Variants in CTNNAL1 observed in about 807,000 individuals in gnomAD.
CTNNAL1 encodes the protein alpha-catulin.
A neutral mutation model predicts 93.6 loss-of-function variants in CTNNAL1; 69 were observed. The observed-to-expected ratio is 0.74, with a 90% CI of 0.61 to 0.90. The LOEUF is 0.90. CTNNAL1 is among the 40% of genes least tolerant of loss of function. The pLI is 0.00. For synonymous variants in CTNNAL1, 286 were observed against 305.4 expected (o/e 0.94, Z 0.66); for missense variants, 836 against 862.0 (o/e 0.97, Z 0.38).
intron 3 of CTNNAL1, chr9:108,991,851 C>T: frequency 1.9e-6 from 1 of 523,478 alleles, no homozygotes; most frequent in Non-Finnish European, 3.4e-6. Context: ...TTATCCAAAG[C>T]AAGAAGTGAT....
intron 1 of CTNNAL1, among the ~76,000 whole-genome samples, chr9:109,005,190 G>A (rs1042092588): frequency 1.1e-4 from 16 of 151,734 alleles, no homozygotes; most frequent in African/African-American, 3.6e-4. Flanking sequence ...GGGAAGCACA[G>A]AACAAATCCT....
At position 109,013,465 on chromosome 9, in the gene CTNNAL1, C is replaced by G. The variant is rs1354190536; in HGVS notation, c.-23G>C. Reference sequence around the variant, plus strand: ...CATGGCCCTCGGTCTATCCCGCAGCCGGGACTCCGCGCCGCGGCGAGCCTG... The same window carrying G: ...CATGGCCCTCGGTCTATCCCGCAGCGGGGACTCCGCGCCGCGGCGAGCCTG... On this transcript the variant is annotated 5_prime_UTR_variant, in exon 1 of 19. Transcript: ENST00000325551. The G allele has an allele frequency of 7.4e-7, 1 of 1,353,456 alleles. No individual in the cohort carries two copies. Among genetic ancestry groups the G allele is most frequent in the Non-Finnish European group, 9.6e-7 (1 of 1,046,674 alleles). The allele number at this position is 1,353,456 out of a possible 1,614,324, so 83.8% of individuals were successfully genotyped here.
chr9:108,973,164 G>A (rs1292309318), intron 8 of CTNNAL1, among the ~76,000 whole-genome samples: 1 of 152,056 alleles, frequency 6.6e-6, no homozygotes, highest in Non-Finnish European at 1.5e-5. Flanking sequence ...GAATACCCTT[G>A]TCCCTTTTTC....
rs1830324774 is a variant in CTNNAL1, at chr9:108,943,988, A to T, written c.1915T>A (p.Ser639Thr). The T allele has an allele frequency of 1.2e-6, 2 of 1,613,746 alleles. No individual in the cohort carries two copies. Among genetic ancestry groups the T allele is most frequent in the African/African-American group, 2.7e-5 (2 of 74,924 alleles). ...TGTTTTGAAAAAGCTTGAACACTGG[A>T]AGTAAGCTTTAAACCCTCTGCAGCA... ...VFAAEGLKLT[S>T]SVQAFSKQLK... The change falls in exon 16 of 19, where the codon TCC becomes ACC. Residue 639 changes from serine (S) to threonine (T), a missense_variant. Ser to Thr is a moderately conservative substitution (Grantham distance 58, BLOSUM62 1). Transcript: ENST00000325551.
chr9:109,008,370 C>G (rs2132223112), intron 1 of CTNNAL1, among the ~76,000 whole-genome samples: 1 of 152,132 alleles, frequency 6.6e-6, no homozygotes, highest in South Asian at 2.1e-4. Context: ...AGGTCTCAAA[C>G]TCCCGACCTC....
At chr9:108,972,864 G>GGGGGGGGGGGGCCCCCCCC in intron 8 of CTNNAL1, 31 bp from the exon 9 acceptor site, 35 of 142,368 alleles carry the variant, frequency 2.5e-4, no homozygotes, top group East Asian at 4.4e-4. Flanking sequence ...GGGGGGGTGG[G>GGGGGGGGGGGGCCCCCCCC]AGGGTGGAGA....
At chr9:108,987,052 G>T (rs1053503971) in intron 4 of CTNNAL1, among the ~76,000 whole-genome samples, 23 of 152,044 alleles carry the variant, frequency 1.5e-4, no homozygotes, top group Admixed American at 2.0e-4. Context: ...ATTTGTCAAT[G>T]TTGGCTTTTG....
chr9:108,983,182 G>T lies in CTNNAL1; in HGVS notation c.863C>A (p.Ser288Ter). Residue 288 changes from serine to a stop codon, truncating the protein, a stop_gained, in exon 6 of 19, where the codon TCA becomes TAA. Transcript: ENST00000325551. LOFTEE classifies it high-confidence loss of function. ...AATTCCAGTAAAAATACTGATAGAT[G>T]AAATGTCAGTCTCTCCATTCGGTTT... The part of the protein sequence containing the change: ...DCKPNGETDI[S>*]SISIFTGIKE... 1 of 1,567,546 alleles carries T rather than the reference G, an allele frequency of 6.4e-7. No homozygotes were observed. The highest frequency in any genetic ancestry group is 8.6e-7 in the Non-Finnish European group (1 of 1,157,418).
intron 15 of CTNNAL1, among the ~76,000 whole-genome samples, chr9:108,946,330 C>T (rs564176429): frequency 1.3e-5 from 2 of 151,678 alleles, no homozygotes; most frequent in East Asian, 3.9e-4. Context: ...TTCCCATGGC[C>T]TACAGAGACA....
intron 9 of CTNNAL1, among the ~76,000 whole-genome samples, chr9:108,972,004 T>A (rs1434315046): frequency 1.3e-5 from 2 of 152,174 alleles, no homozygotes; most frequent in Non-Finnish European, 2.9e-5. Context: ...ATGTTTGGAT[T>A]ATTAGGATTA....
At chr9:108,973,092 T>A (rs10979634) in intron 8 of CTNNAL1, among the ~76,000 whole-genome samples, 2,863 of 152,306 alleles carry the variant, frequency 0.019, 43 homozygotes, top group Non-Finnish European at 0.031. Flanking sequence ...TAATTCATCC[T>A]TTAACCCCCT....
intron 2 of CTNNAL1, among the ~76,000 whole-genome samples, chr9:108,996,031 T>C (rs991346607): frequency 2.6e-5 from 4 of 151,810 alleles, no homozygotes; most frequent in African/African-American, 9.7e-5. Flanking sequence ...GCACCATCAC[T>C]GCTCACTGCA....
chr9:109,007,934 G>A (rs1199388133), intron 1 of CTNNAL1, among the ~76,000 whole-genome samples: 1 of 151,724 alleles, frequency 6.6e-6, no homozygotes, highest in Non-Finnish European at 1.5e-5. Flanking sequence ...AGTTTTATCT[G>A]GTATTGAACC....
chr9:109,013,055 C>T (rs1347106735), intron 1 of CTNNAL1, among the ~76,000 whole-genome samples: 1 of 152,180 alleles, frequency 6.6e-6, no homozygotes, highest in Non-Finnish European at 1.5e-5. Flanking sequence ...GGCCGGCACC[C>T]CCGCCCCGCA....
At chr9:108,943,478 G>A (rs924022793) in intron 17 of CTNNAL1, among the ~76,000 whole-genome samples, 1 of 152,158 alleles carries the variant, frequency 6.6e-6, no homozygotes, top group African/African-American at 2.4e-5. Flanking sequence ...AAGGGCAGCT[G>A]TTCAGTGCTA....
chr9:109,013,279 G>T (rs1170784948), intron 1 of CTNNAL1, 23 bp downstream of exon 1: 1 of 1,479,010 alleles, frequency 6.8e-7, no homozygotes. Flanking sequence ...GGAGAAGAGG[G>T]GCCGCGCCAG....
intron 8 of CTNNAL1, among the ~76,000 whole-genome samples, chr9:108,975,110 C>T (rs1831228490): frequency 6.6e-6 from 1 of 152,054 alleles, no homozygotes; most frequent in Admixed American, 6.6e-5. Flanking sequence ...TGGCAGTGAG[C>T]CAAGATCACG....
intron 15 of CTNNAL1, among the ~76,000 whole-genome samples, chr9:108,946,917 G>GA (rs900638269): frequency 8.2e-5 from 12 of 145,490 alleles, no homozygotes; most frequent in Admixed American, 2.7e-4. Context: ...GGGCCAAACT[G>GA]AAAAAAAAAA....
chr9:108,968,006 G>C (rs1831008514), intron 10 of CTNNAL1, among the ~76,000 whole-genome samples: 1 of 151,986 alleles, frequency 6.6e-6, no homozygotes, highest in Non-Finnish European at 1.5e-5. Flanking sequence ...CCTCCCTCTG[G>C]GGTGGGCATA....
Sources: allele counts gnomAD v4.1 joint callset (sites outside exome capture counted in the v4.1 genomes callset), GRCh38; gene constraint gnomAD v4.1.1; transcripts MANE v1.5; gene names NCBI Gene and HGNC (gene_info 2026-07-23, HGNC 2026-07-21).